Variants in MANEA observed in about 807,000 individuals in gnomAD.
MANEA encodes the protein mannosidase endo-alpha.
MANEA carries 25 observed loss-of-function variants against 36.8 expected under a neutral mutation model. The ratio of observed to expected loss-of-function variants is 0.68; its 90% CI spans 0.50 to 0.95. MANEA has a LOEUF of 0.95. MANEA is among the 40% of genes least tolerant of loss of function. The probability of loss-of-function intolerance (pLI) is 0.00; values close to 1 mark genes in which losing one functional copy is unlikely to be tolerated. For synonymous variants in MANEA, 198 were observed against 188.5 expected (o/e 1.05, Z -0.41); for missense variants, 565 against 558.8 (o/e 1.01, Z -0.11).
In MANEA at chr6:95,606,027, T is replaced by C. The variant is rs1436061430; in HGVS notation, c.1011T>C (p.Asn337=). 2 of 1,613,974 alleles carry C rather than the reference T, an allele frequency of 1.2e-6. No individual in the cohort carries two copies. Among genetic ancestry groups the C allele is most frequent in the African/African-American group, 1.3e-5 (1 of 74,916 alleles). ...TTACTTATGGCTCATCACATCAGAA[T>C]TGGGCTAGCCTAAAATTATTTTGTG... ...NGFTYGSSHQ[N]WASLKLFCDK... is the part of the protein sequence containing the mutation. The change falls in exon 5 of 5, where the codon AAT becomes AAC. Residue 337 remains asparagine, a synonymous_variant. Transcript: ENST00000358812.
At chr6:95,598,592 A>C (rs1769528548) in intron 3 of MANEA, among the ~76,000 whole-genome samples, 1 of 152,168 alleles carries the variant, frequency 6.6e-6, no homozygotes, top group Non-Finnish European at 1.5e-5. Context: ...AATCTTGGCA[A>C]TGACGTGTTA....
chr6:95,586,915 G>A lies in MANEA; in HGVS notation c.476G>A (p.Gly159Glu). 6.2e-7 allele frequency: 1 copy of A among 1,613,440 alleles called. No individual in the cohort carries two copies. ...DIGSSFYPEL[G>E]SYSSRDPSVI... ...GGCTCCAGCTTTTATCCTGAATTGG[G>A]AAGTTACAGTTCTCGGGATCCTTCT... Residue 159 changes from glycine to glutamate, a missense_variant, in exon 2 of 5, where the codon GGA (glycine) becomes GAA (glutamate). Gly to Glu is a moderately conservative substitution (Grantham distance 98). Transcript: ENST00000358812.
At chr6:95,589,475 G>A (rs888085817) in intron 2 of MANEA, among the ~76,000 whole-genome samples, 2 of 151,828 alleles carry the variant, frequency 1.3e-5, no homozygotes, top group African/African-American at 4.8e-5. Context: ...AAGTGTGGTT[G>A]GCATAAATCC....
intron 1 of MANEA, among the ~76,000 whole-genome samples, chr6:95,584,307 C>T (rs536576174): frequency 6.6e-6 from 1 of 152,248 alleles, no homozygotes; most frequent in South Asian, 2.1e-4. Context: ...TATAAATGGA[C>T]GTGCAAGTAG....
intron 1 of MANEA, among the ~76,000 whole-genome samples, chr6:95,578,415 A>T (rs1190884785): frequency 6.6e-6 from 1 of 152,242 alleles, no homozygotes; most frequent in Non-Finnish European, 1.5e-5. Context: ...ATGTTGATTA[A>T]GAACTTGAAA....
chr6:95,589,546 T>A (rs1038689485), intron 2 of MANEA, among the ~76,000 whole-genome samples: 4 of 152,188 alleles, frequency 2.6e-5, no homozygotes, highest in African/African-American at 4.8e-5. Context: ...TAATGTTATG[T>A]TTAAAATCCA....
intron 3 of MANEA, among the ~76,000 whole-genome samples, chr6:95,603,389 G>A (rs1270781610): frequency 6.6e-6 from 1 of 152,010 alleles, no homozygotes; most frequent in African/African-American, 2.4e-5. Flanking sequence ...AATTTAAAAA[G>A]CAAATACCAA....
intron 1 of MANEA, among the ~76,000 whole-genome samples, chr6:95,586,140 G>C (rs532612391): frequency 6.6e-6 from 1 of 152,112 alleles, no homozygotes; most frequent in African/African-American, 2.4e-5. Flanking sequence ...CTAAAGGTTC[G>C]TCTGACTAAA....
At chr6:95,591,858 C>T (rs1769390695) in intron 2 of MANEA, among the ~76,000 whole-genome samples, 1 of 152,110 alleles carries the variant, frequency 6.6e-6, no homozygotes, top group Non-Finnish European at 1.5e-5. Context: ...TGTGCTCCAC[C>T]ACGCGTAGCT....
chr6:95,585,503 G>A (rs1333790343), intron 1 of MANEA, among the ~76,000 whole-genome samples: 1 of 152,054 alleles, frequency 6.6e-6, no homozygotes, highest in Non-Finnish European at 1.5e-5. Context: ...GTGTAGGGAT[G>A]GGGTCTCCCC....
chr6:95,598,672 C>T (rs1769530490), intron 3 of MANEA, among the ~76,000 whole-genome samples: 1 of 152,046 alleles, frequency 6.6e-6, no homozygotes, highest in African/African-American at 2.4e-5. Context: ...GAGGGAACTG[C>T]AAAGTTATGA....
chr6:95,592,610 T>G (rs1412659910), intron 2 of MANEA, among the ~76,000 whole-genome samples: 2 of 152,210 alleles, frequency 1.3e-5, no homozygotes, highest in African/African-American at 2.4e-5. Context: ...AGCTCTAAAT[T>G]TCCTATGAAC....
intron 1 of MANEA, among the ~76,000 whole-genome samples, chr6:95,579,889 G>T (rs975291722): frequency 4.6e-5 from 7 of 152,168 alleles, no homozygotes; most frequent in Admixed American, 2.6e-4. Flanking sequence ...GGAGAAAACA[G>T]ATTTTCAGTA....
At position 95,586,740 on chromosome 6, in the gene MANEA, A is replaced by G; in HGVS notation, c.301A>G (p.Asn101Asp). 6.2e-7 allele frequency: 1 copy of G among 1,613,866 alleles called. No individual in the cohort carries two copies. Among genetic ancestry groups the G allele is most frequent in the South Asian group, 1.1e-5 (1 of 91,070 alleles). ...LNLDELPPLN[N>D]YLHVFYYSWY... ...CTTGGATGAACTACCACCTCTGAAC[A>G]ATTATCTACATGTATTTTATTACAG... The change falls in exon 2 of 5, where the codon AAT (asparagine) becomes GAT (aspartate). Residue 101 changes from asparagine (N) to aspartate (D), a missense_variant. Transcript: ENST00000358812.
intron 1 of MANEA, among the ~76,000 whole-genome samples, chr6:95,583,543 A>C (rs917443813): frequency 6.6e-6 from 1 of 151,830 alleles, no homozygotes; most frequent in Non-Finnish European, 1.5e-5. Flanking sequence ...ATGTACACAC[A>C]CCATATTTAC....
At chr6:95,593,362 A>G (rs1414244510) in intron 2 of MANEA, among the ~76,000 whole-genome samples, 1 of 152,246 alleles carries the variant, frequency 6.6e-6, no homozygotes, top group Non-Finnish European at 1.5e-5. Context: ...GCTGAAATAT[A>G]ACAACATTGT....
chr6:95,579,039 C>T (rs1376003299), intron 1 of MANEA, among the ~76,000 whole-genome samples: 2 of 152,196 alleles, frequency 1.3e-5, no homozygotes, highest in Middle Eastern at 3.4e-3. Flanking sequence ...GAAAAAGTTA[C>T]CAACTGCTCA....
rs1769700056 is a variant in MANEA at position 95,605,896 on chromosome 6, C to T, written c.880C>T (p.Pro294Ser). Reference sequence around the variant, plus strand: ...AGGGTCTCGGAGTATTCGCAATTCTCCTTATGATGGACTGTTTATTGCCCT... The same window carrying T: ...AGGGTCTCGGAGTATTCGCAATTCTTCTTATGATGGACTGTTTATTGCCCT... ...TSGSRSIRNSPYDGLFIALLV... is the reference protein window; with the variant it reads ...TSGSRSIRNSSYDGLFIALLV... The change falls in exon 5 of 5, where the codon CCT becomes TCT. Residue 294 changes from proline (P) to serine (S), a missense_variant. Transcript: ENST00000358812. 4.3e-6 allele frequency: 7 copies of T among 1,613,962 alleles called. No homozygotes were observed. In the East Asian group the frequency reaches 1.6e-4, roughly 36 times the overall value.
At chr6:95,604,794 T>C in intron 3 of MANEA, 33 bp from the exon 4 acceptor site, 1 of 876,572 alleles carries the variant, frequency 1.1e-6, no homozygotes, top group Non-Finnish European at 1.7e-6. Flanking sequence ...TATAGATAAT[T>C]TATCCCCTAA....
Sources: gnomAD v4.1 joint callset for allele counts (sites outside exome capture counted in the v4.1 genomes callset) on GRCh38, gnomAD v4.1.1 for gene constraint, MANE v1.5 for transcripts, NCBI Gene and HGNC (gene_info 2026-07-23, HGNC 2026-07-21) for gene names.